Variants in SLCO4A1 observed in about 807,000 individuals in gnomAD.
SLCO4A1 encodes solute carrier organic anion transporter family member 4A1.
In SLCO4A1, 51 loss-of-function variants were observed where a neutral mutation model predicts 64.6. The ratio of observed to expected loss-of-function variants is 0.79; its 90% confidence interval spans 0.63 to 1.00. The LOEUF is 1.00. Among genes scored for constraint, SLCO4A1 ranks in the 50% least tolerant of loss-of-function variants. SLCO4A1 has a pLI of 0.00. For synonymous variants in SLCO4A1, 471 were observed against 444.9 expected, an observed-to-expected ratio of 1.06 and a Z score of -0.74; for missense variants, 919 against 980.5, an observed-to-expected ratio of 0.94 and a Z score of 0.84.
At chr20:62,689,871 C>T (rs527368811), downstream of SLCO4A1, among the ~76,000 whole-genome samples, 4 of 152,324 alleles carry the variant, frequency 2.6e-5, no homozygotes, top group East Asian at 7.7e-4. Flanking sequence ...GGGGGTGGAC[C>T]TGAGGGAACC....
downstream of SLCO4A1, among the ~76,000 whole-genome samples, chr20:62,673,455 T>G (rs1987423350): frequency 7.0e-6 from 1 of 143,370 alleles, no homozygotes; most frequent in Non-Finnish European, 1.6e-5. Context: ...AGTGCCGGCT[T>G]CCAGTGACCT....
At chr20:62,674,756 G>T (rs1987507039), downstream of SLCO4A1, among the ~76,000 whole-genome samples, 1 of 152,210 alleles carries the variant, frequency 6.6e-6, no homozygotes, top group Non-Finnish European at 1.5e-5. Flanking sequence ...GGTGAGATGA[G>T]GGGGTGAGGG....
In SLCO4A1 at chr20:62,660,537, G is replaced by A; in HGVS notation, c.1009+4G>A. The A allele has an allele frequency of 6.2e-7, 1 of 1,604,464 alleles. No homozygotes were observed. Among genetic ancestry groups the A allele is most frequent in the Non-Finnish European group, 8.5e-7 (1 of 1,179,900 alleles). On this transcript the variant is annotated splice_donor_region_variant and intron_variant, in intron 4 of 11. Coordinates refer to ENST00000217159, the MANE Select transcript of SLCO4A1 (RefSeq NM_016354.4). ...GGTTACCCTCGGCAGCTGCCAGGTG[G>A]GTTTCCCTTCCCCAGCCCAGCCTTC...
chr20:62,661,888 C>G lies in SLCO4A1; in HGVS notation c.1121+713C>G, dbSNP rs1387592469. On this transcript the variant is annotated intron_variant, in intron 5 of 11. Transcript: ENST00000217159. This position sits in a 1 kb window ranked among gnomAD's most constrained non-coding sequence, Gnocchi z 5.2. ...GGACAACAGAGGGGCCCGGGCCCTC[C>G]CGGCCTCTCCTGGGGATCATGCCTT... 6.6e-6 allele frequency among the ~76,000 whole-genome samples: 1 copy of G among 152,096 alleles called. No individual in the cohort carries two copies. The highest frequency in any genetic ancestry group is 1.5e-5 in the Non-Finnish European group (1 of 67,980).
At chr20:62,687,020 A>AATGGGAAGGGCACCCCCAAACAGGCACG (rs1569159206), downstream of SLCO4A1, among the ~76,000 whole-genome samples, 68 of 136,968 alleles carry the variant, frequency 5.0e-4, 2 homozygotes, top group African/African-American at 1.9e-3. Context: ...AAACAGGCAC[A>AATGGGAAGGGCACCCCCAAACAGGCACG]ATGGGAAGGG....
Position 62,644,298 on chromosome 20 carries a change from GC to G in SLCO4A1, c.-97+1747del, listed in dbSNP as rs1270317250. Among the ~76,000 whole-genome samples the G allele has an allele frequency of 6.6e-6, 1 of 152,232 alleles. No homozygotes were observed. The highest frequency in any genetic ancestry group is 1.5e-5 in the Non-Finnish European group (1 of 68,040). ...GACCGCCCTCAGCAGGCTGTGTCCT[GC>G]CTTCCTGCTGGGCAAGGTCAGCAGG... is the stretch of plus-strand genomic sequence containing the variant. On this transcript the variant is annotated intron_variant, in intron 1 of 11. Transcript: ENST00000217159. The surrounding 1 kb of genome is among the most constrained non-coding windows in gnomAD (Gnocchi z 5.4).
At chr20:62,678,253 T>C (rs1286882593) in intron 2 of SLCO4A1, among the ~76,000 whole-genome samples, 7 of 152,174 alleles carry the variant, frequency 4.6e-5, no homozygotes, top group African/African-American at 1.4e-4. Context: ...AACTTCAGTT[T>C]TCAAGCAAAA....
downstream of SLCO4A1, among the ~76,000 whole-genome samples, chr20:62,675,509 G>A (rs1987548655): frequency 6.6e-6 from 1 of 152,254 alleles, no homozygotes; most frequent in South Asian, 2.1e-4. Context: ...CAGGCCCAGG[G>A]AGGAGACAGG....
rs1013715778 is a variant in SLCO4A1, at chr20:62,669,047, G to A, written c.1994G>A (p.Arg665His). ...GTGTACCAGAATTCGGCCATGAGCC[G>A]CTACATACTCATCATGGGGCTCCTG... ...CLVYQNSAMS[R>H]YILIMGLLYK... Residue 665 changes from arginine (R) to histidine (H), a missense_variant, in exon 11 of 12, where the codon CGC (arginine) becomes CAC (histidine). By Grantham distance (29) the Arg-to-His change is conservative (BLOSUM62 0). Coordinates refer to ENST00000217159, the MANE Select transcript of SLCO4A1 (RefSeq NM_016354.4). 1.1e-5 allele frequency: 18 copies of A among 1,611,092 alleles called. No individual in the cohort carries two copies. The highest frequency in any genetic ancestry group is 5.0e-5 in the Admixed American group (3 of 60,008).
rs570195952 is a variant in SLCO4A1 at position 62,661,191 on chromosome 20, G to A, written c.1121+16G>A. 57 of 1,581,088 alleles carry A rather than the reference G, an allele frequency of 3.6e-5. No homozygotes were observed. In the East Asian group the frequency reaches 1.0e-3, roughly 28 times the overall value. On this transcript the variant is annotated intron_variant, in intron 5 of 11. Coordinates refer to ENST00000217159, the MANE Select transcript of SLCO4A1 (RefSeq NM_016354.4). The surrounding 1 kb of genome is among the most constrained non-coding windows in gnomAD (Gnocchi z 5.2). ...ACCTGCCTCTGTAAGGACCGGAGTC[G>A]GGAGGGTTCCTAGTGTCCTCAGACC...
At chr20:62,672,394 T>G, downstream of SLCO4A1, 4 of 579,772 alleles carry the variant, frequency 6.9e-6, no homozygotes, top group Non-Finnish European at 8.7e-6. Flanking sequence ...AATCCGTGGA[T>G]ATGAAAAGTT....
intron 2 of SLCO4A1, among the ~76,000 whole-genome samples, chr20:62,680,153 A>AT (rs1326688758): frequency 1.3e-5 from 2 of 152,330 alleles, no homozygotes; most frequent in South Asian, 4.1e-4. Flanking sequence ...CTGCTGCTGT[A>AT]TTTGAAATTT....
intron 5 of SLCO4A1, among the ~76,000 whole-genome samples, chr20:62,663,721 T>C (rs1985516297): frequency 6.6e-6 from 1 of 152,152 alleles, no homozygotes. Context: ...AGGAGCGTGC[T>C]GTGAACAGGA....
intron 11 of SLCO4A1, among the ~76,000 whole-genome samples, chr20:62,670,850 A>G (rs868253948): frequency 1.3e-5 from 2 of 152,248 alleles, no homozygotes; most frequent in Non-Finnish European, 1.5e-5. Context: ...TTTGTCCTGC[A>G]CCGAGTCAAA....
At position 62,652,410 on chromosome 20, in the gene SLCO4A1, TCGGCGGC is replaced by T. The variant is rs375245093; in HGVS notation, c.-96-3938_-96-3932del. ...CGGGCCTCTGAGGTTGCTTTCTGTT[TCGGCGGC>T]CGGCGGCCGGTGGAGCCCTTGCGCC... On this transcript the variant is annotated intron_variant, in intron 1 of 11. Coordinates refer to ENST00000217159, the MANE Select transcript of SLCO4A1 (RefSeq NM_016354.4). Among the ~76,000 whole-genome samples, 173 of 152,216 alleles carry T rather than the reference TCGGCGGC, an allele frequency of 1.1e-3. 1 individual carries two copies. Among genetic ancestry groups the T allele is most frequent in the African/African-American group, 3.8e-3 (156 of 41,522 alleles).
intron 11 of SLCO4A1, among the ~76,000 whole-genome samples, chr20:62,670,569 G>A (rs543042378): frequency 9.9e-5 from 15 of 152,228 alleles, no homozygotes; most frequent in Non-Finnish European, 1.5e-4. Context: ...TTAGACTCAC[G>A]CGTCCACAGG....
chr20:62,664,763 C>T (rs146243600), intron 5 of SLCO4A1, among the ~76,000 whole-genome samples, 171 bp from the exon 6 acceptor site: 50 of 152,284 alleles, frequency 3.3e-4, no homozygotes, highest in African/African-American at 1.2e-3. Flanking sequence ...CTGACAGCCT[C>T]AGGAACAGCA....
At chr20:62,673,410 A>G (rs994551044), downstream of SLCO4A1, among the ~76,000 whole-genome samples, 1 of 143,200 alleles carries the variant, frequency 7.0e-6, no homozygotes, top group African/African-American at 2.5e-5. Flanking sequence ...AGGTGGGTGG[A>G]GCTAGGGTCA....
intron 1 of SLCO4A1, among the ~76,000 whole-genome samples, chr20:62,653,585 G>A (rs1477962071): frequency 6.6e-6 from 1 of 152,228 alleles, no homozygotes; most frequent in Non-Finnish European, 1.5e-5. Context: ...ATCACCGGCT[G>A]CGCCTCCGCT....
Sources: gnomAD v4.1 joint callset for allele counts (sites outside exome capture counted in the v4.1 genomes callset) on GRCh38, gnomAD v4.1.1 for gene constraint, Gnocchi (gnomAD v3.1) non-coding constraint, MANE v1.5 for transcripts, NCBI Gene and HGNC (gene_info 2026-07-23, HGNC 2026-07-21) for gene names.